Variants in ZBBX observed in about 807,000 individuals in gnomAD.
ZBBX encodes zinc finger B-box domain-containing protein 1.
A neutral mutation model predicts 108.5 loss-of-function variants in ZBBX; 101 were observed. The ratio of observed to expected loss-of-function variants is 0.93; its 90% CI spans 0.79 to 1.10. The LOEUF (loss-of-function observed/expected upper bound fraction) is 1.10, where lower values mean the gene tolerates loss of function less well. Among genes scored for constraint, ZBBX ranks in the 50% least tolerant of loss-of-function variants. ZBBX has a pLI of 0.00. For synonymous variants in ZBBX, 356 were observed against 323.4 expected (o/e 1.10, Z -1.08); for missense variants, 1,009 against 941.4 (o/e 1.07, Z -0.94).
Position 167,240,683 on chromosome 3 carries a change from C to T in ZBBX, c.*110G>A. On this transcript the variant is annotated 3_prime_UTR_variant, in exon 22 of 22. Coordinates refer to ENST00000675490, the MANE Select transcript of ZBBX (RefSeq NM_001199201.2). ...GTTTGTAGCCTTGAAACATCAAAGA[C>T]ATTAGTAATCAAAATCTCCAGCACT... The T allele has an allele frequency of 5.4e-6, 7 of 1,297,382 alleles. No individual in the cohort carries two copies. The highest frequency in any genetic ancestry group is 7.4e-6 in the Non-Finnish European group (7 of 944,456). The allele number at this position is 1,297,382 out of a possible 1,614,324, so 80.4% of individuals were successfully genotyped here. A position where few individuals can be genotyped will look rare whatever the true frequency, so the allele number is the denominator to read the frequency against.
chr3:167,381,644 C>T (rs13085296), upstream of ZBBX, among the ~76,000 whole-genome samples: 10,868 of 152,180 alleles, frequency 0.071, 467 homozygotes, highest in Admixed American at 0.1. Context: ...CATACAGGCG[C>T]GCTCTTCAAA....
At chr3:167,282,525 C>T in intron 19 of ZBBX, 30 bp from the exon 20 acceptor site, 1 of 1,571,096 alleles carries the variant, frequency 6.4e-7, no homozygotes, top group Non-Finnish European at 8.6e-7. Flanking sequence ...GTTTTTAAAT[C>T]AACTTTTAAA....
intron 11 of ZBBX, among the ~76,000 whole-genome samples, chr3:167,325,048 G>A (rs576857017): frequency 5.3e-5 from 8 of 152,070 alleles, no homozygotes; most frequent in East Asian, 1.9e-4. Flanking sequence ...AATCCTGTGC[G>A]AGTACATCTA....
intron 9 of ZBBX, among the ~76,000 whole-genome samples, chr3:167,348,363 AG>A (rs1190638265): frequency 3.0e-4 from 45 of 148,724 alleles, no homozygotes; most frequent in Non-Finnish European, 4.6e-4. Flanking sequence ...AAAGAAAGAA[AG>A]AAAGAAAAAA....
chr3:167,307,393 G>T (rs1004226811), intron 16 of ZBBX, among the ~76,000 whole-genome samples: 4 of 152,134 alleles, frequency 2.6e-5, no homozygotes, highest in Non-Finnish European at 1.5e-5. Flanking sequence ...AAGCCCAGAA[G>T]CTTCTTAAGC....
intron 20 of ZBBX, among the ~76,000 whole-genome samples, chr3:167,262,632 G>C (rs1239738420): frequency 1.3e-5 from 2 of 151,916 alleles, no homozygotes; most frequent in Non-Finnish European, 2.9e-5. Flanking sequence ...TTTTATTATG[G>C]CTTCAATCTC....
chr3:167,356,517 C>T (rs6762521), intron 8 of ZBBX, among the ~76,000 whole-genome samples: 124,706 of 152,016 alleles, frequency 0.82, 51,251 homozygotes, highest in East Asian at 0.92. Context: ...GTATACATAA[C>T]CATTAAATTC....
At chr3:167,276,052 A>C (rs1215766390) in intron 20 of ZBBX, among the ~76,000 whole-genome samples, 1 of 152,216 alleles carries the variant, frequency 6.6e-6, no homozygotes, top group East Asian at 1.9e-4. Flanking sequence ...ACTCCAACAG[A>C]CCTGCAGCTG....
chr3:167,259,579 T>C (rs1280327877), intron 20 of ZBBX, among the ~76,000 whole-genome samples: 1 of 152,146 alleles, frequency 6.6e-6, no homozygotes. Context: ...TGTCAGTTTG[T>C]GCTCTTTCAG....
intron 9 of ZBBX, among the ~76,000 whole-genome samples, chr3:167,346,387 T>A (rs1255427994): frequency 6.6e-6 from 1 of 151,844 alleles, no homozygotes; most frequent in East Asian, 1.9e-4. Flanking sequence ...ATATTTGCCT[T>A]CAATTTTTCA....
intron 20 of ZBBX, among the ~76,000 whole-genome samples, chr3:167,280,890 G>T (rs1409903173): frequency 6.6e-6 from 1 of 152,148 alleles, no homozygotes; most frequent in Admixed American, 6.5e-5. Flanking sequence ...TTAAGAAAAT[G>T]TGGCACATAC....
At chr3:167,204,178 AAAATCAATT>A in the ZBBX span, among the ~76,000 whole-genome samples, 1 of 150,586 alleles carries the variant, frequency 6.6e-6, no homozygotes, top group Non-Finnish European at 1.5e-5. Flanking sequence ...ATGCAGAAGA[AAAATCAATT>A]TTCTTTTTTT....
the ZBBX span, among the ~76,000 whole-genome samples, chr3:167,207,811 T>C: frequency 3.0e-4 from 45 of 152,162 alleles, 1 homozygote; most frequent in Non-Finnish European, 6.0e-4. Flanking sequence ...AACAGCAAGT[T>C]GAACAACAAT....
rs773263807 is a variant in ZBBX, at chr3:167,359,918, C to G, written c.384G>C (p.Lys128Asn). ...MANSSECEKP[K>N]INGKVCGQCE... ...ACTGTCCACATACTTTCCCATTTATCTTGGGTTTTTCACATTCTGAAGAAT... is the reference window on the plus strand; with the variant it reads ...ACTGTCCACATACTTTCCCATTTATGTTGGGTTTTTCACATTCTGAAGAAT... Residue 128 changes from lysine to asparagine, a missense_variant, in exon 8 of 22, where the codon AAG becomes AAC. Physicochemically the swap from Lys to Asn is moderately conservative, Grantham distance 94 (BLOSUM62 0). Transcript: ENST00000675490. 1.0e-5 allele frequency: 16 copies of G among 1,580,928 alleles called. No homozygotes were observed. The highest frequency in any genetic ancestry group is 1.4e-5 in the Non-Finnish European group (16 of 1,161,596).
At chr3:167,188,620 T>C in the ZBBX span, among the ~76,000 whole-genome samples, 7,844 of 152,236 alleles carry the variant, frequency 0.052, 560 homozygotes, top group African/African-American at 0.16. Context: ...TGATAAGAGG[T>C]GTTAAGACCA....
chr3:167,329,194 G>A (rs932458119), intron 10 of ZBBX, among the ~76,000 whole-genome samples: 6 of 152,190 alleles, frequency 3.9e-5, no homozygotes, highest in African/African-American at 1.4e-4. Flanking sequence ...TGGAAGCTAT[G>A]CAGTGAATCA....
In ZBBX at chr3:167,380,078, C is replaced by T. The variant is rs888429851; in HGVS notation, c.-287+169G>A. On this transcript the variant is annotated intron_variant, in intron 1 of 21. Transcript: ENST00000675490. ...GCACTATGTCAGCCTATGGCAGGGG[C>T]TCAGCAAACACTTGCTGGGCCGGTG... 4.6e-5 allele frequency among the ~76,000 whole-genome samples: 7 copies of T among 152,290 alleles called. No homozygotes were observed. In the East Asian group the frequency reaches 1.4e-3, roughly 30 times the overall value.
At chr3:167,373,298 A>G (rs1746446169) in intron 3 of ZBBX, among the ~76,000 whole-genome samples, 1 of 152,224 alleles carries the variant, frequency 6.6e-6, no homozygotes. Flanking sequence ...AAGGAACCTG[A>G]GCATCCTAGG....
intron 9 of ZBBX, among the ~76,000 whole-genome samples, chr3:167,349,643 T>C (rs1742298649): frequency 6.6e-6 from 1 of 152,084 alleles, no homozygotes; most frequent in Non-Finnish European, 1.5e-5. Flanking sequence ...TCTATTCCTT[T>C]GCCTACAGAT....
Sources: gnomAD v4.1 joint callset for allele counts (sites outside exome capture counted in the v4.1 genomes callset) on GRCh38, gnomAD v4.1.1 for gene constraint, MANE v1.5 for transcripts, NCBI Gene and HGNC (gene_info 2026-07-23, HGNC 2026-07-21) for gene names.